Variants in LARGE1 observed in about 807,000 individuals in gnomAD.
LARGE1 encodes the protein xylosyl- and glucuronyltransferase LARGE1.
Under a neutral mutation model 87.6 loss-of-function variants are expected in LARGE1, and 43 were observed. That is an observed-to-expected ratio of 0.49 (90% CI 0.38 to 0.63). The LOEUF (loss-of-function observed/expected upper bound fraction) is 0.63. LARGE1 is among the 30% of genes least tolerant of loss of function. The probability of loss-of-function intolerance (pLI) is 0.00; values close to 1 mark genes in which losing one functional copy is unlikely to be tolerated. For synonymous variants in LARGE1, 434 were observed against 394.6 expected, an observed-to-expected ratio of 1.10 and a Z score of -1.18; for missense variants, 802 against 1,000.2, an observed-to-expected ratio of 0.80 and a Z score of 2.67.
chr22:33,548,854 A>T (rs1602372925), intron 6 of LARGE1, among the ~76,000 whole-genome samples: 1 of 152,200 alleles, frequency 6.6e-6, no homozygotes, highest in South Asian at 2.1e-4. Flanking sequence ...CTTTTATCTC[A>T]TAAGAATTTG....
chr22:33,376,447 G>A (rs1218958378), intron 9 of LARGE1, among the ~76,000 whole-genome samples: 1 of 152,170 alleles, frequency 6.6e-6, no homozygotes, highest in East Asian at 1.9e-4. Flanking sequence ...TAAGTCTCGT[G>A]CCTGATGTCT....
At chr22:33,305,358 T>TAAAA (rs60727771) in intron 11 of LARGE1, among the ~76,000 whole-genome samples, 2,676 of 98,532 alleles carry the variant, frequency 0.027, 107 homozygotes, top group African/African-American at 0.085. Context: ...GGGAAAAAAT[T>TAAAA]AAAAAAAAAA....
At position 33,581,370 on chromosome 22, in the gene LARGE1, C is replaced by T. The variant is rs190220288; in HGVS notation, c.616-16351G>A. 7.2e-5 allele frequency among the ~76,000 whole-genome samples: 11 copies of T among 152,298 alleles called. No homozygotes were observed. The East Asian group carries it at 2.1e-3, about 29-fold the overall frequency. On this transcript the variant is annotated intron_variant, in intron 5 of 14. Transcript: ENST00000397394. ...AAATTCACATTTTGATACCTTTGTG[C>T]ACCTTTTCCTAAAATCAGCTTGGTG...
intron 11 of LARGE1, among the ~76,000 whole-genome samples, chr22:33,193,533 C>T (rs900743933): frequency 1.3e-5 from 2 of 152,060 alleles, no homozygotes; most frequent in African/African-American, 4.8e-5. Flanking sequence ...GGATGTCGGC[C>T]GGGCACGGTG....
the LARGE1 span, among the ~76,000 whole-genome samples, chr22:33,082,120 C>T: frequency 6.6e-6 from 1 of 152,062 alleles, no homozygotes; most frequent in Non-Finnish European, 1.5e-5. Flanking sequence ...CCAAGAGTAT[C>T]CATTTCCTTT....
At chr22:33,647,868 C>T (rs1027774221) in intron 3 of LARGE1, among the ~76,000 whole-genome samples, 17 of 152,140 alleles carry the variant, frequency 1.1e-4, no homozygotes, top group African/African-American at 4.1e-4. Flanking sequence ...AACGATTCTC[C>T]TGCCTCAGCC....
intron 2 of LARGE1, among the ~76,000 whole-genome samples, chr22:33,653,421 C>G (rs897998574): frequency 6.6e-6 from 1 of 152,188 alleles, no homozygotes; most frequent in African/African-American, 2.4e-5. Context: ...CTGAGAGGGT[C>G]TTCCTTCTCA....
At chr22:33,294,201 T>C (rs1367576978) in intron 12 of LARGE1, among the ~76,000 whole-genome samples, 2 of 152,200 alleles carry the variant, frequency 1.3e-5, no homozygotes, top group Admixed American at 6.5e-5. Flanking sequence ...TTCTTTGCGG[T>C]GTTGCAATAA....
chr22:33,179,525 G>A (rs1392013922), intron 11 of LARGE1, among the ~76,000 whole-genome samples: 1 of 152,196 alleles, frequency 6.6e-6, no homozygotes, highest in East Asian at 1.9e-4. Flanking sequence ...GAAGGGCAGA[G>A]CAGTACAAGA....
chr22:33,356,565 AG>A (rs1371990493), intron 9 of LARGE1, among the ~76,000 whole-genome samples: 8 of 152,152 alleles, frequency 5.3e-5, no homozygotes, highest in Non-Finnish European at 1.2e-4. Flanking sequence ...TGAAGTCAGG[AG>A]TTTGACGCCA....
chr22:33,260,970 G>A (rs1195399903), intron 11 of LARGE1, among the ~76,000 whole-genome samples: 1 of 152,124 alleles, frequency 6.6e-6, no homozygotes, highest in Non-Finnish European at 1.5e-5. Flanking sequence ...CCCCAGAAAT[G>A]TCAGGGTTTT....
intron 7 of LARGE1, among the ~76,000 whole-genome samples, chr22:33,413,062 T>C (rs754451521): frequency 6.6e-6 from 1 of 152,186 alleles, no homozygotes; most frequent in Non-Finnish European, 1.5e-5. Flanking sequence ...CCCTAGCACA[T>C]CACTGCATTT....
intron 3 of LARGE1, among the ~76,000 whole-genome samples, chr22:33,645,337 T>C (rs1307697216): frequency 6.6e-6 from 1 of 152,158 alleles, no homozygotes; most frequent in Non-Finnish European, 1.5e-5. Context: ...AAACAAGAAA[T>C]AGGGAAAGGA....
chr22:33,107,695 T>C, the LARGE1 span, among the ~76,000 whole-genome samples: 2 of 152,050 alleles, frequency 1.3e-5, no homozygotes, highest in African/African-American at 4.8e-5. Context: ...CAATATCCTG[T>C]CTCTACAAAA....
intron 6 of LARGE1, among the ~76,000 whole-genome samples, chr22:33,561,624 T>C (rs1046438823): frequency 6.6e-6 from 1 of 152,168 alleles, no homozygotes; most frequent in African/African-American, 2.4e-5. Flanking sequence ...ATTTGGCACC[T>C]AGAAGGAGCT....
At chr22:33,130,456 C>G in the LARGE1 span, among the ~76,000 whole-genome samples, 1 of 151,854 alleles carries the variant, frequency 6.6e-6, no homozygotes, top group African/African-American at 2.4e-5. Flanking sequence ...CACCACTGCA[C>G]TCCAGCCTGG....
Position 33,313,696 on chromosome 22 carries a change from C to G in LARGE1, c.1451+2389G>C, listed in dbSNP as rs1935850404. Among the ~76,000 whole-genome samples the G allele has an allele frequency of 2.0e-5, 3 of 152,170 alleles. No homozygotes were observed. In the South Asian group the frequency reaches 6.2e-4, roughly 31 times the overall value. On this transcript the variant is annotated intron_variant, in intron 11 of 14. Coordinates refer to ENST00000397394, the MANE Select transcript of LARGE1 (RefSeq NM_133642.5). ...AGCTGAGGGGGACACCCATCAACAG[C>G]CAGCAAGGAAATGGGACCTCCATCC...
chr22:33,464,892 T>TAC (rs34436418), intron 6 of LARGE1, among the ~76,000 whole-genome samples: 39,630 of 139,408 alleles, frequency 0.28, 6,649 homozygotes, highest in African/African-American at 0.56. Context: ...TGCACACACA[T>TAC]ACACACACAC....
At position 33,353,452 on chromosome 22, in the gene LARGE1, A is replaced by G. The variant is rs1490267602; in HGVS notation, c.1132-15651T>C. ...GGCTGTAAAAATACACAAAGATAAT[A>G]TGGTAACAAAATGAAGTAAGTTCCT... On this transcript the variant is annotated intron_variant, in intron 9 of 14. Transcript: ENST00000397394. 2.6e-5 allele frequency among the ~76,000 whole-genome samples: 4 copies of G among 151,228 alleles called. No homozygotes were observed. In the East Asian group the frequency reaches 7.8e-4, roughly 29 times the overall value.
Sources: allele counts gnomAD v4.1 joint callset (sites outside exome capture counted in the v4.1 genomes callset), GRCh38; gene constraint gnomAD v4.1.1; transcripts MANE v1.5; gene names NCBI Gene and HGNC (gene_info 2026-07-23, HGNC 2026-07-21).